ZC3H18: variants seen among roughly 807,000 people sequenced by gnomAD.
ZC3H18 encodes the protein zinc finger CCCH domain-containing protein 18.
In ZC3H18, 8 loss-of-function variants were observed where a neutral mutation model predicts 106.1. The ratio of observed to expected loss-of-function variants is 0.08; its 90% CI spans 0.04 to 0.14. ZC3H18 has a LOEUF of 0.14. ZC3H18 is among the 10% of genes least tolerant of loss of function. The probability of loss-of-function intolerance (pLI) is 1.00; values close to 1 mark genes in which losing one functional copy is unlikely to be tolerated. For synonymous variants in ZC3H18, 635 were observed against 522.1 expected (o/e 1.22, Z -2.95); for missense variants, 1,318 against 1,278.4 (o/e 1.03, Z -0.47).
chr16:88,631,802 T>TA lies in ZC3H18; in HGVS notation c.*504dup, dbSNP rs1906711497. The stretch of plus-strand genomic sequence containing the variant: ...TCTCGACTAAAGTCTCATCAGGAAA[T>TA]ATTTCCTGTCTTTTATTTTAAGCAT... On this transcript the variant is annotated 3_prime_UTR_variant, in exon 18 of 18. Coordinates refer to ENST00000301011, the MANE Select transcript of ZC3H18 (RefSeq NM_144604.4). 3.3e-6 allele frequency: 1 copy of TA among 299,000 alleles called. No individual in the cohort carries two copies. The highest frequency in any genetic ancestry group is 1.2e-4 in the East Asian group (1 of 8,548). The allele number at this position is 299,000 out of a possible 1,614,324, so 18.5% of individuals were successfully genotyped here. A position where few individuals can be genotyped will look rare whatever the true frequency, so the allele number is the denominator to read the frequency against.
chr16:88,575,711 TTTG>T (rs926428958), intron 1 of ZC3H18, among the ~76,000 whole-genome samples: 39 of 152,042 alleles, frequency 2.6e-4, no homozygotes, highest in African/African-American at 8.7e-4. Context: ...CCCGTCTTTT[TTTG>T]TTTTTTGAGT....
chr16:88,628,089 C>T lies in ZC3H18; in HGVS notation c.2439C>T (p.His813=), dbSNP rs746504813. Residue 813 remains histidine (H), a synonymous_variant, in exon 15 of 18, where the codon CAC becomes CAT. Coordinates refer to ENST00000301011, the MANE Select transcript of ZC3H18 (RefSeq NM_144604.4). ...GQPQQGTFVA[H]KEIKLTLLNK... The stretch of plus-strand genomic sequence containing the variant: ...CCCAGCAGGGCACATTTGTGGCCCA[C>T]AAGGAGATCAAGTTGACACTGTTGA... 6.2e-7 allele frequency: 1 copy of T among 1,614,044 alleles called. No homozygotes were observed.
chr16:88,573,964 C>G (rs913284029), intron 1 of ZC3H18, among the ~76,000 whole-genome samples: 4 of 151,830 alleles, frequency 2.6e-5, no homozygotes, highest in African/African-American at 7.3e-5. Flanking sequence ...CCTCCGCCCC[C>G]CCGAGTTCAA....
chr16:88,624,441 G>C, intron 11 of ZC3H18, 161 bp from the exon 12 acceptor site: 1 of 1,183,730 alleles, frequency 8.4e-7, no homozygotes, highest in Non-Finnish European at 1.2e-6. Context: ...CAAGCACTCT[G>C]ACACCGATGG....
rs1003271900 is a variant in ZC3H18 at position 88,624,239 on chromosome 16, G to A, written c.1898+177G>A. 9.4e-6 allele frequency: 8 copies of A among 850,300 alleles called. No homozygotes were observed. The African/African-American group carries it at 1.0e-4, about 11-fold the overall frequency. 52.7% of individuals were successfully genotyped at this position (850,300 alleles called of 1,614,324 possible). ...CACTGGGCACAGCTCCTGTTCTCAC[G>A]GGCCACCCTTACACAGCAGCACTCC... On this transcript the variant is annotated intron_variant, in intron 11 of 17. Coordinates refer to ENST00000301011, the MANE Select transcript of ZC3H18 (RefSeq NM_144604.4).
chr16:88,617,819 C>T lies in ZC3H18; in HGVS notation c.1476-4378C>T, dbSNP rs1905718217. Among the ~76,000 whole-genome samples, 3 of 152,350 alleles carry T rather than the reference C, an allele frequency of 2.0e-5. No individual in the cohort carries two copies. The Middle Eastern group carries it at 0.01, about 518-fold the overall frequency. On this transcript the variant is annotated intron_variant, in intron 8 of 17. Coordinates refer to ENST00000301011, the MANE Select transcript of ZC3H18 (RefSeq NM_144604.4). ...CCCCTTTGGCGGCCCATCCAGTGGG[C>T]GCCTGCTTCCTGGGCCACCGCTTCA... is the stretch of plus-strand genomic sequence containing the variant.
chr16:88,574,321 C>T lies in ZC3H18; in HGVS notation c.-14-2789C>T, dbSNP rs192327831. On this transcript the variant is annotated intron_variant, in intron 1 of 17. Coordinates refer to ENST00000301011, the MANE Select transcript of ZC3H18 (RefSeq NM_144604.4). The stretch of plus-strand genomic sequence containing the variant: ...GTCTCCCAGGTTCAAGCGATTCTCT[C>T]GTCTCAGCCTCCCAAGTAGCTTGGA... 6.6e-5 allele frequency among the ~76,000 whole-genome samples: 10 copies of T among 152,046 alleles called. No homozygotes were observed. The South Asian group carries it at 8.3e-4, about 13-fold the overall frequency.
At chr16:88,630,994 C>T in intron 17 of ZC3H18, 107 bp from the exon 18 acceptor site, 2 of 1,424,728 alleles carry the variant, frequency 1.4e-6, no homozygotes, top group East Asian at 2.3e-5. Context: ...CCTTGCCTGT[C>T]CTGGTGGCCG....
At chr16:88,577,752 C>A (rs202105113) in intron 2 of ZC3H18, 26 bp downstream of exon 2, 36 of 1,612,170 alleles carry the variant, frequency 2.2e-5, no homozygotes, top group Non-Finnish European at 2.9e-5. Flanking sequence ...CAGAGCGTCG[C>A]GGGGCATCCT....
rs1037945121 is a variant in ZC3H18 at position 88,608,830 on chromosome 16, C to G, written c.1089-104C>G. ...CAACCTTGCGCTCCTGGAGTAAACC[C>G]CACTGCGTCACGGTCTGTTACTTTC... On this transcript the variant is annotated intron_variant, in intron 6 of 17. Coordinates refer to ENST00000301011, the MANE Select transcript of ZC3H18 (RefSeq NM_144604.4). 7.5e-6 allele frequency: 7 copies of G among 931,562 alleles called. No homozygotes were observed. The African/African-American group carries it at 9.9e-5, about 13-fold the overall frequency. 57.7% of individuals were successfully genotyped at this position (931,562 alleles called of 1,614,324 possible).
chr16:88,587,729 C>G, intron 3 of ZC3H18: 1 of 1,036,986 alleles, frequency 9.6e-7, no homozygotes. Context: ...GAAAGGGGGT[C>G]TTTGAGGGGC....
intron 2 of ZC3H18, among the ~76,000 whole-genome samples, chr16:88,580,206 GTGT>G (rs1915036611): frequency 3.3e-5 from 2 of 61,320 alleles, no homozygotes; most frequent in African/African-American, 1.0e-4. Flanking sequence ...GTGTGTGTGT[GTGT>G]ATATGTATAT....
intron 2 of ZC3H18, among the ~76,000 whole-genome samples, chr16:88,586,108 G>A (rs775901098): frequency 6.6e-6 from 1 of 152,136 alleles, no homozygotes; most frequent in Non-Finnish European, 1.5e-5. Context: ...TGACAGTCAG[G>A]GTGAGGAGCT....
chr16:88,578,043 T>A (rs1349954955), intron 2 of ZC3H18, among the ~76,000 whole-genome samples: 2 of 152,110 alleles, frequency 1.3e-5, no homozygotes, highest in Non-Finnish European at 2.9e-5. Flanking sequence ...GAATGAAGGG[T>A]TAATGTCTGT....
Position 88,598,325 on chromosome 16 carries a change from G to C in ZC3H18, c.836G>C (p.Trp279Ser). 1 of 1,596,890 alleles carries C rather than the reference G, an allele frequency of 6.3e-7. No individual in the cohort carries two copies. The highest frequency in any genetic ancestry group is 8.5e-7 in the Non-Finnish European group (1 of 1,174,306). Residue 279 changes from tryptophan to serine, a missense_variant and splice_region_variant, in exon 4 of 18, where the codon TGG (tryptophan) becomes TCG (serine). Coordinates refer to ENST00000301011, the MANE Select transcript of ZC3H18 (RefSeq NM_144604.4). Reference sequence around the variant, plus strand: ...CACCCGCTGATGCCCGCCAACCCTTGGGTGCGTGATGCCTCTTCTTTCATT... The same window carrying C: ...CACCCGCTGATGCCCGCCAACCCTTCGGTGCGTGATGCCTCTTCTTTCATT... ...GPHPLMPANP[W>S]GGPVVDEILP... is the part of the protein sequence containing the mutation.
At chr16:88,598,820 AGTTAGGC>A in intron 5 of ZC3H18, 108 bp downstream of exon 5, 9 of 965,542 alleles carry the variant, frequency 9.3e-6, no homozygotes, top group Non-Finnish European at 1.4e-5. Flanking sequence ...AAATCTCTGA[AGTTAGGC>A]GTCTGTTTCT....
rs556709358 is a variant in ZC3H18 at position 88,598,438 on chromosome 16, G to A, written c.837+112G>A. ...TAGCACAGGCTCAGTGCCCCCTTTCGGCTGCTTCTGTCGTCCCGAGTGGAA... is the reference window on the plus strand; with the variant it reads ...TAGCACAGGCTCAGTGCCCCCTTTCAGCTGCTTCTGTCGTCCCGAGTGGAA... On this transcript the variant is annotated intron_variant, in intron 4 of 17. Coordinates refer to ENST00000301011, the MANE Select transcript of ZC3H18 (RefSeq NM_144604.4). 5.3e-5 allele frequency: 79 copies of A among 1,503,538 alleles called. 1 individual carries two copies. The South Asian group carries it at 5.7e-4, about 11-fold the overall frequency. The allele number at this position is 1,503,538 out of a possible 1,614,324, so 93.1% of individuals were successfully genotyped here. A position where few individuals can be genotyped will look rare whatever the true frequency, so the allele number is the denominator to read the frequency against.
At chr16:88,595,335 A>G (rs1393650371) in intron 3 of ZC3H18, among the ~76,000 whole-genome samples, 2 of 152,232 alleles carry the variant, frequency 1.3e-5, no homozygotes. Flanking sequence ...GCCTGAGGCC[A>G]TGTCTGTGTA....
At chr16:88,570,680 C>T (rs1211893591) in intron 1 of ZC3H18, 114 bp downstream of exon 1, 1 of 151,040 alleles carries the variant, frequency 6.6e-6, no homozygotes, top group Non-Finnish European at 1.5e-5. Flanking sequence ...CGGCGCGCCT[C>T]CGGCCGTGCG....
Sources: gnomAD v4.1 joint callset for allele counts (sites outside exome capture counted in the v4.1 genomes callset) on GRCh38, gnomAD v4.1.1 for gene constraint, MANE v1.5 for transcripts, NCBI Gene and HGNC (gene_info 2026-07-23, HGNC 2026-07-21) for gene names.